MAPK10: variants seen among roughly 807,000 people sequenced by gnomAD.
The protein encoded by MAPK10 is mitogen-activated protein kinase 10.
A neutral mutation model predicts 59.3 loss-of-function variants in MAPK10; 25 were observed. That is an observed-to-expected ratio of 0.42 (90% CI 0.31 to 0.59). MAPK10 has a LOEUF of 0.59. Among genes scored for constraint, MAPK10 ranks in the 20% least tolerant of loss-of-function variants. MAPK10 has a pLI of 0.15. For missense variants in MAPK10, 351 were observed against 568.9 expected, an observed-to-expected ratio of 0.62 and a Z score of 3.90; for synonymous variants, 190 against 200.5, an observed-to-expected ratio of 0.95 and a Z score of 0.44.
chr4:86,303,033 G>C (rs1346442074), intron 2 of MAPK10, among the ~76,000 whole-genome samples: 1 of 152,040 alleles, frequency 6.6e-6, no homozygotes, highest in East Asian at 1.9e-4. Context: ...TCCTCTGTCT[G>C]GATAATTACA....
intron 2 of MAPK10, among the ~76,000 whole-genome samples, chr4:86,313,654 C>T (rs1387942282): frequency 2.0e-5 from 3 of 152,064 alleles, no homozygotes; most frequent in Non-Finnish European, 4.4e-5. Context: ...CAGTTTAAAA[C>T]CACAATAAGA....
chr4:86,448,206 C>T (rs903768974), intron 1 of MAPK10, among the ~76,000 whole-genome samples: 4 of 152,074 alleles, frequency 2.6e-5, no homozygotes, highest in African/African-American at 9.7e-5. Flanking sequence ...AGCTTTCTTT[C>T]CTTTTCATTA....
chr4:86,252,714 T>G (rs375285842), intron 2 of MAPK10, among the ~76,000 whole-genome samples: 4 of 16,726 alleles, frequency 2.4e-4, no homozygotes, highest in African/African-American at 3.9e-4. Context: ...GTGAAGAAAG[T>G]CATTGGTAGC....
At chr4:86,245,477 A>G (rs2093024768) in intron 2 of MAPK10, among the ~76,000 whole-genome samples, 1 of 152,048 alleles carries the variant, frequency 6.6e-6, no homozygotes, top group Admixed American at 6.5e-5. Flanking sequence ...ACACCTTTTG[A>G]TTAAAATTTT....
intron 2 of MAPK10, among the ~76,000 whole-genome samples, chr4:86,352,980 C>A (rs1578768423): frequency 6.6e-6 from 1 of 152,262 alleles, no homozygotes; most frequent in Non-Finnish European, 1.5e-5. Flanking sequence ...AGTATTCCCA[C>A]ACAATCATGC....
intron 1 of MAPK10, among the ~76,000 whole-genome samples, chr4:86,505,108 C>G (rs79412118): frequency 0.048 from 7,370 of 152,200 alleles, 237 homozygotes; most frequent in African/African-American, 0.061. Flanking sequence ...TTTGGTTCAA[C>G]CTTCACCTGT....
intron 3 of MAPK10, among the ~76,000 whole-genome samples, chr4:86,185,293 A>G (rs1005503107): frequency 2.0e-5 from 3 of 152,182 alleles, no homozygotes; most frequent in African/African-American, 7.2e-5. Context: ...GAAGTTGGGT[A>G]TGCAGTCAGG....
chr4:86,054,689 T>G (rs2044211912), intron 11 of MAPK10, among the ~76,000 whole-genome samples: 1 of 152,132 alleles, frequency 6.6e-6, no homozygotes, highest in South Asian at 2.1e-4. Flanking sequence ...ATTTCTAAAT[T>G]TATATATATT....
intron 1 of MAPK10, among the ~76,000 whole-genome samples, chr4:86,593,174 G>A (rs1763215827): frequency 1.3e-5 from 2 of 152,154 alleles, no homozygotes; most frequent in Admixed American, 1.3e-4. Context: ...ATACATGTAT[G>A]GCAGCCTCAG....
At chr4:86,291,186 T>G (rs917782030) in intron 2 of MAPK10, among the ~76,000 whole-genome samples, 5 of 152,222 alleles carry the variant, frequency 3.3e-5, no homozygotes, top group Admixed American at 2.0e-4. Flanking sequence ...AATTAAGTCA[T>G]CTGTTCACTA....
At position 86,341,493 on chromosome 4, in the gene MAPK10, G is replaced by A. The variant is rs576083523; in HGVS notation, c.-7+13037C>T. 5.9e-5 allele frequency among the ~76,000 whole-genome samples: 9 copies of A among 152,314 alleles called. No homozygotes were observed. The South Asian group carries it at 1.9e-3, about 32-fold the overall frequency. On this transcript the variant is annotated intron_variant, in intron 2 of 13. Transcript: ENST00000641462. The stretch of plus-strand genomic sequence containing the variant: ...CCAATTTTCTTTACAGGACAATTGT[G>A]TGGGAGGACGGCAATGTGTCATAGG...
At chr4:86,387,149 G>A (rs1741565025) in intron 1 of MAPK10, among the ~76,000 whole-genome samples, 1 of 152,138 alleles carries the variant, frequency 6.6e-6, no homozygotes, top group Admixed American at 6.5e-5. Flanking sequence ...TGCACTTCAT[G>A]GCTGGAAATG....
intron 1 of MAPK10, among the ~76,000 whole-genome samples, chr4:86,367,658 TTTTTG>T (rs969990791): frequency 9.2e-5 from 14 of 152,232 alleles, no homozygotes; most frequent in Admixed American, 6.5e-4. Context: ...TTTGTTTTTT[TTTTTG>T]TTTTGTTTTG....
intron 2 of MAPK10, among the ~76,000 whole-genome samples, chr4:86,307,103 C>T (rs1424699125): frequency 1.3e-5 from 2 of 152,160 alleles, no homozygotes; most frequent in Admixed American, 6.5e-5. Flanking sequence ...AACTCAAAAT[C>T]TTCTTCTGAC....
chr4:86,276,226 TA>T (rs2148784827), intron 2 of MAPK10, among the ~76,000 whole-genome samples: 1 of 152,238 alleles, frequency 6.6e-6, no homozygotes, highest in South Asian at 2.1e-4. Flanking sequence ...TCCTCAAGAT[TA>T]TCACACAATG....
intron 1 of MAPK10, among the ~76,000 whole-genome samples, chr4:86,411,645 A>G (rs1186506717): frequency 6.6e-6 from 1 of 152,140 alleles, no homozygotes; most frequent in African/African-American, 2.4e-5. Flanking sequence ...TTCCTTTACC[A>G]TTATGTAATG....
intron 1 of MAPK10, chr4:86,356,375 C>G (rs918147082): frequency 1.8e-5 from 4 of 223,520 alleles, no homozygotes. Flanking sequence ...ATCAAATAAA[C>G]TAGAAAATCC....
intron 9 of MAPK10, among the ~76,000 whole-genome samples, chr4:86,084,275 G>A (rs747584288): frequency 9.2e-5 from 14 of 152,150 alleles, no homozygotes; most frequent in South Asian, 2.1e-4. Flanking sequence ...CTCTTGGACC[G>A]CCTTTCTGGG....
At chr4:86,255,627 T>A (rs1290520875) in intron 2 of MAPK10, among the ~76,000 whole-genome samples, 7 of 150,764 alleles carry the variant, frequency 4.6e-5, no homozygotes, top group African/African-American at 9.7e-5. Flanking sequence ...AACGTTTTTT[T>A]AAAAAATCAA....
Sources: gnomAD v4.1 joint callset for allele counts (sites outside exome capture counted in the v4.1 genomes callset) on GRCh38, gnomAD v4.1.1 for gene constraint, MANE v1.5 for transcripts, NCBI Gene and HGNC (gene_info 2026-07-23, HGNC 2026-07-21) for gene names.